FMN2: variants seen among roughly 807,000 people sequenced by gnomAD.
FMN2 encodes the protein formin 2.
In FMN2, 51 loss-of-function variants were observed where a neutral mutation model predicts 142.3. The ratio of observed to expected loss-of-function variants is 0.36; its 90% CI spans 0.29 to 0.45. The LOEUF (loss-of-function observed/expected upper bound fraction) is 0.45. FMN2 is among the 20% of genes least tolerant of loss of function. The pLI is 1.00. For synonymous variants in FMN2, 882 were observed against 869.8 expected (o/e 1.01, Z -0.25); for missense variants, 1,936 against 2,122.8 (o/e 0.91, Z 1.73).
At chr1:240,249,185 C>A (rs1668191302) in intron 6 of FMN2, among the ~76,000 whole-genome samples, 1 of 152,032 alleles carries the variant, frequency 6.6e-6, no homozygotes, top group African/African-American at 2.4e-5. Flanking sequence ...GACCAATTTC[C>A]TGAAGTATTT....
intron 2 of FMN2, among the ~76,000 whole-genome samples, chr1:240,153,652 C>T (rs1223910254): frequency 6.6e-6 from 1 of 152,140 alleles, no homozygotes; most frequent in Non-Finnish European, 1.5e-5. Flanking sequence ...GTGTGAGCCA[C>T]TGCTCCCAGC....
chr1:240,421,257 T>G (rs1055139572), intron 15 of FMN2, among the ~76,000 whole-genome samples: 2 of 152,266 alleles, frequency 1.3e-5, no homozygotes, highest in Admixed American at 1.3e-4. Flanking sequence ...CTGAAAGGTG[T>G]GTACCTTTCA....
chr1:240,215,715 C>A (rs1227454077), intron 6 of FMN2, among the ~76,000 whole-genome samples: 1 of 151,788 alleles, frequency 6.6e-6, no homozygotes, highest in Non-Finnish European at 1.5e-5. Flanking sequence ...AGATTTCTTT[C>A]TTTCTTTTTT....
intron 13 of FMN2, among the ~76,000 whole-genome samples, chr1:240,344,118 T>A (rs1202814970): frequency 6.6e-6 from 1 of 152,226 alleles, no homozygotes; most frequent in African/African-American, 2.4e-5. Context: ...GTGACATGAT[T>A]TATGTCTTGA....
chr1:240,287,045 A>G (rs1669616061), intron 7 of FMN2, among the ~76,000 whole-genome samples: 1 of 152,216 alleles, frequency 6.6e-6, no homozygotes, highest in South Asian at 2.1e-4. Flanking sequence ...CAAAAGAGAT[A>G]ACAAATACTG....
At chr1:240,411,627 G>GT (rs147803371) in intron 15 of FMN2, among the ~76,000 whole-genome samples, 6,315 of 122,412 alleles carry the variant, frequency 0.052, 452 homozygotes, top group African/African-American at 0.18. Context: ...TGTTTGATCT[G>GT]TTGTTTTTTT....
At chr1:240,202,900 ACTC>A (rs951510388) in intron 4 of FMN2, among the ~76,000 whole-genome samples, 7 of 151,640 alleles carry the variant, frequency 4.6e-5, no homozygotes, top group Admixed American at 1.3e-4. Context: ...GTTTTGGAAA[ACTC>A]CTCCAGAATC....
chr1:240,340,460 A>G (rs1671708881), intron 13 of FMN2, among the ~76,000 whole-genome samples: 1 of 152,128 alleles, frequency 6.6e-6, no homozygotes, highest in African/African-American at 2.4e-5. Context: ...GGGCGCCTGT[A>G]ATCCCAGCTA....
At chr1:240,314,301 C>T (rs1014887272) in intron 8 of FMN2, among the ~76,000 whole-genome samples, 64 of 151,936 alleles carry the variant, frequency 4.2e-4, no homozygotes, top group African/African-American at 1.5e-3. Context: ...CCATCTGTAG[C>T]AAGGAGTGCA....
chr1:240,379,320 T>C (rs534139436), intron 14 of FMN2, among the ~76,000 whole-genome samples: 1 of 152,192 alleles, frequency 6.6e-6, no homozygotes, highest in African/African-American at 2.4e-5. Context: ...CTTTGGGAAT[T>C]GTTAAGCTTA....
intron 1 of FMN2, among the ~76,000 whole-genome samples, chr1:240,108,578 A>T (rs186418290): frequency 1.3e-5 from 2 of 152,298 alleles, no homozygotes; most frequent in East Asian, 3.9e-4. Flanking sequence ...AGTTTATTAG[A>T]TAGTTATGTC....
chr1:240,150,202 T>A (rs1463159761), intron 2 of FMN2, among the ~76,000 whole-genome samples: 1 of 152,198 alleles, frequency 6.6e-6, no homozygotes, highest in Non-Finnish European at 1.5e-5. Flanking sequence ...TGAACAAAAA[T>A]TTTGTACAGA....
chr1:240,452,441 A>G (rs528040091), intron 16 of FMN2, among the ~76,000 whole-genome samples: 16 of 152,276 alleles, frequency 1.1e-4, no homozygotes, highest in African/African-American at 3.6e-4. Context: ...AAATATTCCA[A>G]TGATCATTAT....
chr1:240,161,366 A>G (rs1006834902), intron 2 of FMN2, among the ~76,000 whole-genome samples: 25 of 152,168 alleles, frequency 1.6e-4, no homozygotes, highest in Admixed American at 7.9e-4. Context: ...CCCTGTCTCT[A>G]CTAAAAATAG....
chr1:240,423,152 T>G (rs1674830851), intron 15 of FMN2, among the ~76,000 whole-genome samples: 1 of 152,178 alleles, frequency 6.6e-6, no homozygotes, highest in African/African-American at 2.4e-5. Context: ...TTAGAAGACA[T>G]GGAGGATCCC....
chr1:240,156,562 G>C (rs1236843227), intron 2 of FMN2, among the ~76,000 whole-genome samples: 2 of 152,158 alleles, frequency 1.3e-5, no homozygotes, highest in Non-Finnish European at 2.9e-5. Context: ...TTTAGTCTCT[G>C]AAATAGACTG....
intron 14 of FMN2, among the ~76,000 whole-genome samples, chr1:240,388,227 CAAAAAAAAAAAAAA>C (rs761610582): frequency 1.2e-3 from 7 of 6,052 alleles, no homozygotes; most frequent in Admixed American, 6.5e-3. Context: ...GTGCTCAAAG[CAAAAAAAAAAAAAA>C]AAAAAAAAAA....
chr1:240,099,404 G>C (rs569495072), intron 1 of FMN2, among the ~76,000 whole-genome samples: 1 of 151,416 alleles, frequency 6.6e-6, no homozygotes, highest in Non-Finnish European at 1.5e-5. Context: ...ATTCTGTGGT[G>C]GGGGGTTGGA....
intron 6 of FMN2, among the ~76,000 whole-genome samples, chr1:240,220,085 C>G (rs575654605): frequency 1.3e-5 from 2 of 152,128 alleles, no homozygotes; most frequent in African/African-American, 4.8e-5. Flanking sequence ...AGAGTCTTCT[C>G]GAGATAGTGA....
Sources: gnomAD v4.1 joint callset for allele counts (sites outside exome capture counted in the v4.1 genomes callset) on GRCh38, gnomAD v4.1.1 for gene constraint, MANE v1.5 for transcripts, NCBI Gene and HGNC (gene_info 2026-07-23, HGNC 2026-07-21) for gene names.